The following SORCS2 variants were observed in gnomAD, a reference collection of about 807,000 sequenced individuals.
The protein encoded by SORCS2 is sortilin related VPS10 domain containing receptor 2, also known as VPS10 domain-containing receptor SorCS2.
SORCS2 carries 100 observed loss-of-function variants against 141.6 expected under a neutral mutation model. That is an observed-to-expected ratio of 0.71 (90% CI 0.60 to 0.83). The LOEUF (loss-of-function observed/expected upper bound fraction) is 0.83, where lower values mean the gene tolerates loss of function less well. SORCS2 is among the 40% of genes least tolerant of loss of function. SORCS2 has a pLI of 0.00. For missense variants in SORCS2, 1,646 were observed against 1,560.2 expected, an observed-to-expected ratio of 1.05 and a Z score of -0.93; for synonymous variants, 789 against 676.9, an observed-to-expected ratio of 1.17 and a Z score of -2.57.
rs140388615 is a variant in SORCS2, at chr4:7,521,704, T to C, written c.549-9826T>C. The stretch of plus-strand genomic sequence containing the variant: ...CAGCACCTGTCACCTCTGCTGAGAC[T>C]GAGGTTCCAGTCTGGGGTTCCCTTT... On this transcript the variant is annotated intron_variant, in intron 2 of 26. Coordinates refer to ENST00000507866, the MANE Select transcript of SORCS2 (RefSeq NM_020777.3). Among the ~76,000 whole-genome samples the C allele has an allele frequency of 2.0e-5, 3 of 152,334 alleles. No individual in the cohort carries two copies. In the East Asian group the frequency reaches 5.8e-4, roughly 29 times the overall value.
At chr4:7,336,804 T>G (rs538550936) in intron 1 of SORCS2, among the ~76,000 whole-genome samples, 4 of 151,868 alleles carry the variant, frequency 2.6e-5, no homozygotes, top group African/African-American at 9.7e-5. Flanking sequence ...GCTATTGGAG[T>G]TGGCACTTTG....
chr4:7,660,510 A>T (rs1438923166), intron 5 of SORCS2, among the ~76,000 whole-genome samples: 1 of 152,342 alleles, frequency 6.6e-6, no homozygotes, highest in African/African-American at 2.4e-5. Flanking sequence ...CCCCCAAAGG[A>T]GGCAGAGTCC....
intron 1 of SORCS2, among the ~76,000 whole-genome samples, chr4:7,324,272 GGT>G (rs1719094974): frequency 6.6e-6 from 1 of 152,228 alleles, no homozygotes; most frequent in Non-Finnish European, 1.5e-5. Context: ...TCACGTAGCT[GGT>G]GGTGAGGCAG....
At position 7,729,575 on chromosome 4, in the gene SORCS2, C is replaced by A. The variant is rs767003162; in HGVS notation, c.2983-12C>A. The A allele has an allele frequency of 1.2e-4, 184 of 1,573,924 alleles. No individual in the cohort carries two copies. The highest frequency in any genetic ancestry group is 1.6e-4 in the Non-Finnish European group (183 of 1,160,182). ...AGACAGGCGGACCAAAGTGGCTTAA[C>A]TCTCCCCGCAGGAGACCAGCGTCCC... On this transcript the variant is annotated splice_polypyrimidine_tract_variant and intron_variant, in intron 22 of 26. Coordinates refer to ENST00000507866, the MANE Select transcript of SORCS2 (RefSeq NM_020777.3).
At position 7,728,441 on chromosome 4, in the gene SORCS2, G is replaced by T. The variant is rs373661081; in HGVS notation, c.2961G>T (p.Val987=). Residue 987 remains valine, a synonymous_variant, in exon 22 of 27, where the codon GTG becomes GTT. Coordinates refer to ENST00000507866, the MANE Select transcript of SORCS2 (RefSeq NM_020777.3). ...AGTGGAGGGAAGACGTGGGCCTGGT[G>T]GTCACCCGGCTGCTCTCCAAGGTGT... ...TPEWREDVGL[V]VTRLLSKETS... is the part of the protein sequence containing the mutation. The T allele has an allele frequency of 1.2e-4, 188 of 1,613,114 alleles. No individual in the cohort carries two copies. In the African/African-American group the frequency reaches 2.4e-3, roughly 20 times the overall value.
At chr4:7,330,955 G>T (rs559684010) in intron 1 of SORCS2, among the ~76,000 whole-genome samples, 2 of 152,156 alleles carry the variant, frequency 1.3e-5, no homozygotes, top group Non-Finnish European at 2.9e-5. Flanking sequence ...GCCTGCAGGC[G>T]CTCACCCTCC....
chr4:7,236,013 A>C (rs1712243353), intron 1 of SORCS2, among the ~76,000 whole-genome samples: 1 of 152,180 alleles, frequency 6.6e-6, no homozygotes, highest in African/African-American at 2.4e-5. Flanking sequence ...AAAAAGTTGA[A>C]AATCCCTGCC....
chr4:7,532,755 C>A (rs1189901640), intron 3 of SORCS2, among the ~76,000 whole-genome samples: 3 of 145,612 alleles, frequency 2.1e-5, no homozygotes, highest in African/African-American at 7.7e-5. Context: ...GTGGTCTCAG[C>A]CACGTTTGTT....
intron 2 of SORCS2, among the ~76,000 whole-genome samples, chr4:7,441,220 T>G (rs1577568172): frequency 6.6e-6 from 1 of 152,100 alleles, no homozygotes; most frequent in East Asian, 1.9e-4. Flanking sequence ...TGGCTGCTTC[T>G]GGGAAGGTGG....
intron 10 of SORCS2, among the ~76,000 whole-genome samples, chr4:7,683,567 A>G (rs79852604): frequency 0.012 from 1,777 of 152,370 alleles, 31 homozygotes; most frequent in Middle Eastern, 0.017. Flanking sequence ...ACAGGCAAGT[A>G]CAATTCAAGC....
intron 14 of SORCS2, among the ~76,000 whole-genome samples, chr4:7,707,440 G>A (rs1206126297): frequency 1.3e-5 from 2 of 152,178 alleles, no homozygotes; most frequent in Non-Finnish European, 2.9e-5. Context: ...AGATTGCGTG[G>A]GGCACAAGGA....
At chr4:7,335,882 A>C (rs12639866) in intron 1 of SORCS2, among the ~76,000 whole-genome samples, 49,419 of 152,056 alleles carry the variant, frequency 0.33, 8,391 homozygotes, top group East Asian at 0.47. Context: ...TGGAGACCCA[A>C]GCTGGCTTGG....
intron 3 of SORCS2, among the ~76,000 whole-genome samples, chr4:7,551,463 T>C (rs1483725323): frequency 1.3e-5 from 2 of 152,196 alleles, no homozygotes; most frequent in Non-Finnish European, 2.9e-5. Flanking sequence ...ACATCGGCTG[T>C]GCATGCTGAG....
intron 2 of SORCS2, among the ~76,000 whole-genome samples, chr4:7,455,056 A>C (rs865792790): frequency 9.1e-5 from 2 of 21,954 alleles, no homozygotes; most frequent in Admixed American, 5.8e-4. Flanking sequence ...TTGGGGTCAG[A>C]TGCTGTGTTG....
At chr4:7,416,737 T>C (rs201159004) in intron 2 of SORCS2, among the ~76,000 whole-genome samples, 2 of 138,288 alleles carry the variant, frequency 1.4e-5, no homozygotes, top group South Asian at 2.3e-4. Context: ...CACACACGCA[T>C]GCACACACAC....
chr4:7,212,494 T>C (rs4689641), intron 1 of SORCS2, among the ~76,000 whole-genome samples: 140,421 of 152,314 alleles, frequency 0.92, 64,824 homozygotes, highest in East Asian at 1. Flanking sequence ...TGACTGGCTC[T>C]AGGCGTTCTA....
chr4:7,523,048 C>A (rs1733439942), intron 2 of SORCS2, among the ~76,000 whole-genome samples: 1 of 149,994 alleles, frequency 6.7e-6, no homozygotes, highest in Non-Finnish European at 1.5e-5. Context: ...CCTCCTCCCT[C>A]CTTCCTCCCC....
rs117217182 is a variant in SORCS2 at position 7,327,340 on chromosome 4, A to G, written c.481-68948A>G. Among the ~76,000 whole-genome samples, 193 of 151,958 alleles carry G rather than the reference A, an allele frequency of 1.3e-3. 4 individuals are homozygous for G. In the East Asian group the frequency reaches 0.034, roughly 27 times the overall value. On this transcript the variant is annotated intron_variant, in intron 1 of 26. Transcript: ENST00000507866. ...CTCTGTGCTCCTCGGCTTGCACCAC[A>G]TCCCTCCGTCTGGCTCTGTCTTCAC... is the stretch of plus-strand genomic sequence containing the variant.
At chr4:7,372,887 T>C (rs1722347606) in intron 1 of SORCS2, among the ~76,000 whole-genome samples, 1 of 152,178 alleles carries the variant, frequency 6.6e-6, no homozygotes, top group Non-Finnish European at 1.5e-5. Context: ...GGTGCTGGCA[T>C]GTCTGTTCGT....
Sources: allele counts gnomAD v4.1 joint callset (sites outside exome capture counted in the v4.1 genomes callset), GRCh38; gene constraint gnomAD v4.1.1; transcripts MANE v1.5; gene names NCBI Gene and HGNC (gene_info 2026-07-23, HGNC 2026-07-21).